DNAJC2: variants seen among roughly 807,000 people sequenced by gnomAD.
DNAJC2 encodes the protein dnaJ homolog subfamily C member 2.
Under a neutral mutation model 94.0 loss-of-function variants are expected in DNAJC2, and 32 were observed. That is an observed-to-expected ratio of 0.34 (90% confidence interval 0.26 to 0.46). The LOEUF (loss-of-function observed/expected upper bound fraction) is 0.46. Ranked by LOEUF, DNAJC2 falls within the 20% of genes least tolerant of loss-of-function variation. DNAJC2 has a pLI of 1.00. For synonymous variants in DNAJC2, 210 were observed against 229.7 expected (o/e 0.91, Z 0.77); for missense variants, 550 against 719.5 (o/e 0.76, Z 2.69).
intron 15 of DNAJC2, 45 bp downstream of exon 15, chr7:103,315,719 A>G (rs1390615776): frequency 1.5e-6 from 2 of 1,319,536 alleles, no homozygotes; most frequent in Non-Finnish European, 2.2e-6. Flanking sequence ...CAAGCAGCAC[A>G]GATACATGGC....
chr7:103,313,927 A>G, intron 15 of DNAJC2: 1 of 985,446 alleles, frequency 1.0e-6, no homozygotes, highest in Non-Finnish European at 1.2e-6. Flanking sequence ...ACACAGACTA[A>G]TACTACCAGT....
rs1356547819 is a variant in DNAJC2 at position 103,316,011 on chromosome 7, T to A, written c.1505A>T (p.Lys502Ile). Residue 502 changes from lysine (K) to isoleucine (I), a missense_variant, in exon 14 of 17, where the codon AAA becomes ATA. This residue lies in a region of DNAJC2 where 271 missense variants were observed against 302.6 expected (regional missense o/e 0.90). Coordinates refer to ENST00000379263, the MANE Select transcript of DNAJC2 (RefSeq NM_014377.3). ...VKRTAKDVIG[K>I]AKSLQKLDPH... ...ACCAAGTTTTTGGAGACTCTTTGCT[T>A]TGCCAATAACATCTTTGGCAGTTCT... 1 of 1,599,474 alleles carries A rather than the reference T, an allele frequency of 6.3e-7. No homozygotes were observed. Among genetic ancestry groups the A allele is most frequent in the East Asian group, 2.2e-5 (1 of 44,640 alleles).
chr7:103,331,326 A>G (rs1315100230), intron 3 of DNAJC2, among the ~76,000 whole-genome samples: 2 of 152,220 alleles, frequency 1.3e-5, no homozygotes, highest in African/African-American at 4.8e-5. Flanking sequence ...TTGGGTATCT[A>G]TCAACTTGAG....
intron 6 of DNAJC2, 88 bp downstream of exon 6, chr7:103,324,394 C>G (rs2115906415): frequency 8.5e-7 from 1 of 1,179,718 alleles, no homozygotes; most frequent in Non-Finnish European, 1.1e-6. Context: ...ATTTGTCCAT[C>G]TGAATTAATT....
chr7:103,342,949 G>C (rs534335437), intron 1 of DNAJC2, among the ~76,000 whole-genome samples: 5 of 151,680 alleles, frequency 3.3e-5, no homozygotes, highest in African/African-American at 1.2e-4. Flanking sequence ...GTGATAAATT[G>C]TCACGAAGAG....
intron 2 of DNAJC2, among the ~76,000 whole-genome samples, chr7:103,339,350 T>G (rs1186662246): frequency 1.3e-5 from 2 of 152,196 alleles, no homozygotes; most frequent in Non-Finnish European, 2.9e-5. Flanking sequence ...CTTCTTTCTA[T>G]ACCAAAGACC....
At chr7:103,319,148 A>T (rs1213935080) in intron 12 of DNAJC2, among the ~76,000 whole-genome samples, 1 of 151,930 alleles carries the variant, frequency 6.6e-6, no homozygotes, top group Non-Finnish European at 1.5e-5. Context: ...AAAAACAAAA[A>T]CAAAAACAGG....
Position 103,341,748 on chromosome 7 carries a change from T to C in DNAJC2, c.255+16A>G, listed in dbSNP as rs754388456. ...ACAAAGCATCTGACTGAACAAAATA[T>C]TCAGATATTAAATACCTTCCAGTCT... On this transcript the variant is annotated intron_variant, in intron 2 of 16. Coordinates refer to ENST00000379263, the MANE Select transcript of DNAJC2 (RefSeq NM_014377.3). 1.4e-5 allele frequency: 21 copies of C among 1,526,422 alleles called. No individual in the cohort carries two copies. In the African/African-American group the frequency reaches 2.2e-4, roughly 16 times the overall value. 94.6% of individuals were successfully genotyped at this position (1,526,422 alleles called of 1,614,324 possible).
intron 1 of DNAJC2, chr7:103,344,255 T>G: frequency 2.4e-6 from 1 of 425,478 alleles, no homozygotes. Flanking sequence ...GAGATGCTTA[T>G]GAGAACCTTT....
At chr7:103,315,956 TTAAAG>T (rs1417877504) in intron 14 of DNAJC2, 27 bp downstream of exon 14, 6 of 1,564,562 alleles carry the variant, frequency 3.8e-6, no homozygotes, top group Admixed American at 1.8e-5. Context: ...AAATAGGTGT[TTAAAG>T]TAACAAATGG....
chr7:103,323,238 G>A (rs999885126), intron 7 of DNAJC2, among the ~76,000 whole-genome samples: 3 of 151,866 alleles, frequency 2.0e-5, no homozygotes, highest in Admixed American at 6.6e-5. Flanking sequence ...CCTAAACAGT[G>A]GTTCTATTTA....
chr7:103,337,504 C>T (rs903979820), intron 3 of DNAJC2: 3 of 453,736 alleles, frequency 6.6e-6, no homozygotes, highest in East Asian at 3.9e-5. Flanking sequence ...CACACACACA[C>T]ACCCATCCTA....
Position 103,327,650 on chromosome 7 carries a change from TCTTAC to T in DNAJC2, c.430+1_430+5del. ...AGAAATTCCTGACTCTAAAGCATTT[TCTTAC>T]CTTTAGTTATGCAAGTGAAGTAGTC... On this transcript the variant is annotated splice_donor_variant and splice_donor_5th_base_variant and intron_variant, in intron 4 of 16. Coordinates refer to ENST00000379263, the MANE Select transcript of DNAJC2 (RefSeq NM_014377.3). LOFTEE classifies it high-confidence loss of function. 1 of 1,562,068 alleles carries T rather than the reference TCTTAC, an allele frequency of 6.4e-7. No individual in the cohort carries two copies.
intron 12 of DNAJC2, among the ~76,000 whole-genome samples, chr7:103,318,738 A>T (rs759794848): frequency 6.6e-6 from 1 of 152,208 alleles, no homozygotes; most frequent in Non-Finnish European, 1.5e-5. Flanking sequence ...CAGAACAAAG[A>T]TCTCTTTTGG....
chr7:103,326,000 T>A lies in DNAJC2; in HGVS notation c.572+543A>T, dbSNP rs553031641. Among the ~76,000 whole-genome samples, 196 of 147,762 alleles carry A rather than the reference T, an allele frequency of 1.3e-3. 1 individual carries two copies. Among genetic ancestry groups the A allele is most frequent in the African/African-American group, 4.5e-3 (183 of 40,714 alleles). On this transcript the variant is annotated intron_variant, in intron 5 of 16. Transcript: ENST00000379263. Reference sequence around the variant, plus strand: ...TACTGTTATTTCTCTCAAAGCAAAATTTTTTTTTTTTGAGATGGAGTCTTG... The same window carrying A: ...TACTGTTATTTCTCTCAAAGCAAAAATTTTTTTTTTTGAGATGGAGTCTTG...
chr7:103,316,290 T>C, intron 13 of DNAJC2: 1 of 397,432 alleles, frequency 2.5e-6, no homozygotes, highest in South Asian at 7.6e-5. Context: ...TCAACGATAA[T>C]CTTGGTTTTA....
intron 3 of DNAJC2, among the ~76,000 whole-genome samples, chr7:103,334,134 G>A (rs1563471401): frequency 6.6e-6 from 1 of 151,924 alleles, no homozygotes; most frequent in Non-Finnish European, 1.5e-5. Flanking sequence ...TGTATTTTTA[G>A]TAGAGATGGG....
chr7:103,329,836 T>G (rs971274104), intron 3 of DNAJC2, among the ~76,000 whole-genome samples: 1 of 152,190 alleles, frequency 6.6e-6, no homozygotes, highest in Non-Finnish European at 1.5e-5. Flanking sequence ...GTCACTTAAC[T>G]CTCTTTTGCT....
chr7:103,338,833 C>G (rs1819274362), intron 2 of DNAJC2, among the ~76,000 whole-genome samples: 1 of 152,044 alleles, frequency 6.6e-6, no homozygotes, highest in Non-Finnish European at 1.5e-5. Flanking sequence ...TTGCTTGAAC[C>G]TGGGAGGCGG....
Sources: gnomAD v4.1 joint callset for allele counts (sites outside exome capture counted in the v4.1 genomes callset) on GRCh38, gnomAD v4.1.1 for gene constraint, gnomAD v4.1.1 regional missense constraint, MANE v1.5 for transcripts, NCBI Gene and HGNC (gene_info 2026-07-23, HGNC 2026-07-21) for gene names.